INPP5A: variants seen among roughly 807,000 people sequenced by gnomAD.
INPP5A encodes the protein 43 kDa inositol polyphosphate 5-phophatase.
A neutral mutation model predicts 65.2 loss-of-function variants in INPP5A; 14 were observed. That is an observed-to-expected ratio of 0.21 (90% CI 0.14 to 0.34). The LOEUF (loss-of-function observed/expected upper bound fraction) is 0.34, where lower values mean the gene tolerates loss of function less well. Among genes scored for constraint, INPP5A ranks in the 10% least tolerant of loss-of-function variants. INPP5A has a pLI of 1.00. For synonymous variants in INPP5A, 207 were observed against 208.3 expected (o/e 0.99, Z 0.05); for missense variants, 431 against 545.6 (o/e 0.79, Z 2.09).
intron 11 of INPP5A, among the ~76,000 whole-genome samples, chr10:132,751,477 G>A (rs533667711): frequency 7.2e-5 from 11 of 152,368 alleles, no homozygotes; most frequent in East Asian, 5.8e-4. Flanking sequence ...TGTGGCTCCC[G>A]CTGCCCCTCT....
Position 132,782,293 on chromosome 10 carries a change from A to C in INPP5A, c.*264A>C, listed in dbSNP as rs566674744. ...TAAATAAGTCACAGTCCTGTTGTCA[A>C]AACTCTAATAGACAGCAAAGAGGGT... On this transcript the variant is annotated 3_prime_UTR_variant, in exon 16 of 16. Transcript: ENST00000368594. This position sits in a 1 kb window ranked among gnomAD's most constrained non-coding sequence, Gnocchi z 4.4. 1 of 373,180 alleles carries C rather than the reference A, an allele frequency of 2.7e-6. No homozygotes were observed. The highest frequency in any genetic ancestry group is 2.1e-5 in the African/African-American group (1 of 47,210). 23.1% of individuals were successfully genotyped at this position (373,180 alleles called of 1,614,324 possible).
At chr10:132,666,498 A>C (rs890875220) in intron 4 of INPP5A, among the ~76,000 whole-genome samples, 9 of 152,048 alleles carry the variant, frequency 5.9e-5, no homozygotes, top group Non-Finnish European at 1.3e-4. Context: ...GGGTTTGAAA[A>C]CAGCCACAAA....
intron 1 of INPP5A, among the ~76,000 whole-genome samples, chr10:132,596,942 T>TGCGCACATGTGC: frequency 3.2e-5 from 1 of 30,804 alleles, no homozygotes; most frequent in South Asian, 9.6e-4. Context: ...CACGCATGTG[T>TGCGCACATGTGC]GCGTGTGTGC....
intron 1 of INPP5A, among the ~76,000 whole-genome samples, chr10:132,556,030 G>A (rs1264810700): frequency 6.6e-6 from 1 of 151,118 alleles, no homozygotes; most frequent in Non-Finnish European, 1.5e-5. Context: ...GGTGTCTCGG[G>A]GGGCTGCCCG....
At chr10:132,735,853 G>T (rs1315203111) in intron 9 of INPP5A, among the ~76,000 whole-genome samples, 3 of 152,242 alleles carry the variant, frequency 2.0e-5, no homozygotes, top group Non-Finnish European at 4.4e-5. Context: ...GGCCCTGGAG[G>T]CTCTCAGACC....
intron 1 of INPP5A, among the ~76,000 whole-genome samples, chr10:132,558,780 C>G (rs73395353): frequency 6.6e-6 from 1 of 152,366 alleles, no homozygotes; most frequent in East Asian, 1.9e-4. Flanking sequence ...TCAGGGTCAG[C>G]GTGGGACCAG....
intron 4 of INPP5A, among the ~76,000 whole-genome samples, chr10:132,666,836 C>T (rs144070436): frequency 0.045 from 6,851 of 152,232 alleles, 262 homozygotes; most frequent in Non-Finnish European, 0.062. Flanking sequence ...CCACCTCATC[C>T]GTAAGTGGAC....
chr10:132,716,639 T>C (rs1466057124), intron 8 of INPP5A, among the ~76,000 whole-genome samples: 1 of 152,182 alleles, frequency 6.6e-6, no homozygotes, highest in Non-Finnish European at 1.5e-5. Context: ...AACCCCAGCG[T>C]CACCACTGGC....
intron 2 of INPP5A, among the ~76,000 whole-genome samples, chr10:132,611,636 G>A (rs113142492): frequency 7.9e-6 from 1 of 126,892 alleles, no homozygotes; most frequent in East Asian, 2.9e-4. Flanking sequence ...TCAGGGGAGG[G>A]TGAGGGAGGT....
At position 132,705,797 on chromosome 10, in the gene INPP5A, C is replaced by T. The variant is rs548843946; in HGVS notation, c.475-2516C>T. Among the ~76,000 whole-genome samples, 1 of 152,242 alleles carries T rather than the reference C, an allele frequency of 6.6e-6. No individual in the cohort carries two copies. The highest frequency in any genetic ancestry group is 1.5e-5 in the Non-Finnish European group (1 of 68,018). On this transcript the variant is annotated intron_variant, in intron 6 of 15. Coordinates refer to ENST00000368594, the MANE Select transcript of INPP5A (RefSeq NM_005539.5). This position sits in a 1 kb window ranked among gnomAD's most constrained non-coding sequence, Gnocchi z 4.9. Reference sequence around the variant, plus strand: ...ATCACTGGGGAGCAGAGAGCCCAGACCTTTTACAATGCTGGGTGGGGTGGC... The same window carrying T: ...ATCACTGGGGAGCAGAGAGCCCAGATCTTTTACAATGCTGGGTGGGGTGGC...
chr10:132,688,497 C>G (rs972999143), intron 4 of INPP5A, among the ~76,000 whole-genome samples: 5 of 152,224 alleles, frequency 3.3e-5, no homozygotes, highest in Non-Finnish European at 7.3e-5. Context: ...TCTGCAGCCC[C>G]GTAGGGCAGC....
At chr10:132,621,411 T>C (rs903936794) in intron 2 of INPP5A, among the ~76,000 whole-genome samples, 1 of 152,176 alleles carries the variant, frequency 6.6e-6, no homozygotes, top group Non-Finnish European at 1.5e-5. Context: ...CCTAAGGCGA[T>C]TGGGGCACAG....
At chr10:132,730,885 T>C (rs1292315285) in intron 9 of INPP5A, among the ~76,000 whole-genome samples, 1 of 152,188 alleles carries the variant, frequency 6.6e-6, no homozygotes, top group Non-Finnish European at 1.5e-5. Context: ...TTCATTTCAT[T>C]TTAATTCAGA....
chr10:132,675,938 G>A lies in INPP5A; in HGVS notation c.307-14454G>A, dbSNP rs910997053. 6.6e-6 allele frequency among the ~76,000 whole-genome samples: 1 copy of A among 152,164 alleles called. No individual in the cohort carries two copies. The highest frequency in any genetic ancestry group is 2.4e-5 in the African/African-American group (1 of 41,438). ...CACATAACCAGTTTCTCCAGAACAT[G>A]TATACATGAAATGTAATTGAAAAGC... On this transcript the variant is annotated intron_variant, in intron 4 of 15. Coordinates refer to ENST00000368594, the MANE Select transcript of INPP5A (RefSeq NM_005539.5). This position sits in a 1 kb window ranked among gnomAD's most constrained non-coding sequence, Gnocchi z 4.2.
chr10:132,631,963 C>T (rs866322544), intron 2 of INPP5A, among the ~76,000 whole-genome samples: 1 of 152,238 alleles, frequency 6.6e-6, no homozygotes, highest in Non-Finnish European at 1.5e-5. Flanking sequence ...TCCAAGGTCA[C>T]GCATGCCAGT....
intron 11 of INPP5A, among the ~76,000 whole-genome samples, chr10:132,752,102 TGG>T (rs1846495526): frequency 6.8e-6 from 1 of 147,722 alleles, no homozygotes; most frequent in Non-Finnish European, 1.5e-5. Context: ...GGTGTCTGGG[TGG>T]AGGCGGGTGC....
At chr10:132,746,163 G>A (rs1422329419) in intron 9 of INPP5A, among the ~76,000 whole-genome samples, 2 of 152,276 alleles carry the variant, frequency 1.3e-5, no homozygotes, top group African/African-American at 4.8e-5. Flanking sequence ...TCCAGGTAGA[G>A]AGTGGAGCCC....
At chr10:132,653,642 A>G (rs1199570744) in intron 4 of INPP5A, among the ~76,000 whole-genome samples, 2 of 152,284 alleles carry the variant, frequency 1.3e-5, no homozygotes, top group Admixed American at 6.5e-5. Flanking sequence ...TTAAATTAGA[A>G]GTAAATAAAA....
chr10:132,557,288 TC>T (rs1394380391), intron 1 of INPP5A, among the ~76,000 whole-genome samples: 1 of 152,242 alleles, frequency 6.6e-6, no homozygotes, highest in Non-Finnish European at 1.5e-5. Context: ...TGGGATTTGT[TC>T]CGGTTAGGCC....
Sources: allele counts gnomAD v4.1 joint callset (sites outside exome capture counted in the v4.1 genomes callset), GRCh38; gene constraint gnomAD v4.1.1; non-coding constraint Gnocchi (gnomAD v3.1); transcripts MANE v1.5; gene names NCBI Gene and HGNC (gene_info 2026-07-23, HGNC 2026-07-21).